Variants in HS6ST3 observed in about 807,000 individuals in gnomAD.
HS6ST3 encodes the protein heparan-sulfate 6-O-sulfotransferase 3.
Under a neutral mutation model 36.7 loss-of-function variants are expected in HS6ST3, and 12 were observed. That is an observed-to-expected ratio of 0.33 (90% CI 0.21 to 0.53). HS6ST3 has a LOEUF of 0.53. Among genes scored for constraint, HS6ST3 ranks in the 20% least tolerant of loss-of-function variants. HS6ST3 has a pLI of 0.95. For missense variants in HS6ST3, 584 were observed against 640.9 expected (o/e 0.91, Z 0.96); for synonymous variants, 240 against 257.5 (o/e 0.93, Z 0.65).
At chr13:96,771,144 A>G (rs1463588962) in intron 1 of HS6ST3, among the ~76,000 whole-genome samples, 2 of 151,972 alleles carry the variant, frequency 1.3e-5, no homozygotes, top group African/African-American at 4.8e-5. Flanking sequence ...GTCAACTGGT[A>G]TTTCTAGTTA....
At chr13:96,433,340 T>C (rs1228289986) in intron 1 of HS6ST3, among the ~76,000 whole-genome samples, 1 of 152,152 alleles carries the variant, frequency 6.6e-6, no homozygotes, top group Non-Finnish European at 1.5e-5. Context: ...GGAATTGATA[T>C]GGTTTGGCTG....
chr13:96,658,375 G>A (rs1177328239), intron 1 of HS6ST3, among the ~76,000 whole-genome samples: 1 of 145,252 alleles, frequency 6.9e-6, no homozygotes, highest in Admixed American at 7.3e-5. Flanking sequence ...CTGCCTCCTG[G>A]GTTTAAGTGA....
intron 1 of HS6ST3, among the ~76,000 whole-genome samples, chr13:96,220,378 G>T (rs1451623273): frequency 6.6e-6 from 1 of 152,118 alleles, no homozygotes; most frequent in Non-Finnish European, 1.5e-5. Context: ...TGTCTTCTTG[G>T]CTTTTGGGTT....
rs528590509 is a variant in HS6ST3, at chr13:96,208,671, A to T, written c.707+117102A>T. Among the ~76,000 whole-genome samples, 34 of 152,348 alleles carry T rather than the reference A, an allele frequency of 2.2e-4. No individual in the cohort carries two copies. In the South Asian group the frequency reaches 6.4e-3, roughly 29 times the overall value. ...TTGGGAAGAACCACTGTATAAAGAT[A>T]ATATGCAATTTTTATTTGATGGTTT... On this transcript the variant is annotated intron_variant, in intron 1 of 1. Transcript: ENST00000376705.
intron 1 of HS6ST3, among the ~76,000 whole-genome samples, chr13:96,554,750 A>G (rs1165142062): frequency 6.6e-6 from 1 of 151,946 alleles, no homozygotes; most frequent in Non-Finnish European, 1.5e-5. Flanking sequence ...AGACAATTTG[A>G]GACTTACTGT....
At chr13:96,329,754 G>A (rs1351250209) in intron 1 of HS6ST3, among the ~76,000 whole-genome samples, 9 of 119,316 alleles carry the variant, frequency 7.5e-5, no homozygotes, top group East Asian at 2.6e-4. Flanking sequence ...TTTCTGTCTC[G>A]TTGATCTGTC....
At chr13:96,427,681 A>T (rs2055594012) in intron 1 of HS6ST3, among the ~76,000 whole-genome samples, 1 of 152,184 alleles carries the variant, frequency 6.6e-6, no homozygotes, top group African/African-American at 2.4e-5. Flanking sequence ...TAGGACCTTT[A>T]TTAGAACTGA....
chr13:96,257,295 C>T (rs2054641905), intron 1 of HS6ST3, among the ~76,000 whole-genome samples: 1 of 152,116 alleles, frequency 6.6e-6, no homozygotes, highest in Admixed American at 6.5e-5. Context: ...AAGTTTAATT[C>T]CAGTCAAGTA....
At chr13:96,288,623 A>G (rs560158184) in intron 1 of HS6ST3, among the ~76,000 whole-genome samples, 1 of 152,272 alleles carries the variant, frequency 6.6e-6, no homozygotes, top group East Asian at 1.9e-4. Flanking sequence ...AAATGGAAAT[A>G]AAAGGAAAAT....
At chr13:96,775,414 C>G (rs967646816) in intron 1 of HS6ST3, among the ~76,000 whole-genome samples, 1 of 151,282 alleles carries the variant, frequency 6.6e-6, no homozygotes, top group Non-Finnish European at 1.5e-5. Flanking sequence ...CAAGATCCAT[C>G]GGTGTCTGTA....
At chr13:96,119,270 A>G (rs933997981) in intron 1 of HS6ST3, among the ~76,000 whole-genome samples, 2 of 152,160 alleles carry the variant, frequency 1.3e-5, no homozygotes, top group Non-Finnish European at 2.9e-5. Flanking sequence ...AATTAATTTA[A>G]TGCAGAGTAT....
At chr13:96,673,570 A>G (rs1176863918) in intron 1 of HS6ST3, among the ~76,000 whole-genome samples, 1 of 151,994 alleles carries the variant, frequency 6.6e-6, no homozygotes, top group Non-Finnish European at 1.5e-5. Flanking sequence ...TTTTGAACTT[A>G]ATTCTCCTAT....
intron 1 of HS6ST3, among the ~76,000 whole-genome samples, chr13:96,796,930 G>C (rs2138524278): frequency 6.6e-6 from 1 of 152,118 alleles, no homozygotes; most frequent in Non-Finnish European, 1.5e-5. Flanking sequence ...GCATATGAGG[G>C]GGTGTCCTTA....
intron 1 of HS6ST3, among the ~76,000 whole-genome samples, chr13:96,637,247 A>T (rs2056553231): frequency 1.3e-5 from 2 of 152,256 alleles, no homozygotes; most frequent in Admixed American, 6.5e-5. Context: ...CCAGATTGGT[A>T]TGATAAACAA....
intron 1 of HS6ST3, among the ~76,000 whole-genome samples, chr13:96,274,649 G>C (rs2054738628): frequency 6.6e-6 from 1 of 152,060 alleles, no homozygotes; most frequent in African/African-American, 2.4e-5. Context: ...ATGATGAGTT[G>C]TGGGGACAAG....
At chr13:96,150,580 ACC>A (rs1594695254) in intron 1 of HS6ST3, among the ~76,000 whole-genome samples, 343 of 146,168 alleles carry the variant, frequency 2.3e-3, no homozygotes, top group South Asian at 3.7e-3. Flanking sequence ...TCTACATTTT[ACC>A]ACAAATCTTG....
intron 1 of HS6ST3, among the ~76,000 whole-genome samples, chr13:96,222,594 T>G (rs1375075559): frequency 6.6e-6 from 1 of 152,268 alleles, no homozygotes; most frequent in Non-Finnish European, 1.5e-5. Flanking sequence ...ACCTTGTTGC[T>G]GGATGATTTC....
At chr13:96,355,421 A>ACACATG (rs56191306) in intron 1 of HS6ST3, among the ~76,000 whole-genome samples, 1 of 149,210 alleles carries the variant, frequency 6.7e-6, no homozygotes, top group African/African-American at 2.5e-5. Flanking sequence ...AAACACACAC[A>ACACATG]CACAGAGGCA....
chr13:96,186,530 G>T (rs1294061883), intron 1 of HS6ST3, among the ~76,000 whole-genome samples: 2 of 152,226 alleles, frequency 1.3e-5, no homozygotes, highest in African/African-American at 4.8e-5. Flanking sequence ...TCAAAGTAAT[G>T]TGTGGATGCC....
Sources: gnomAD v4.1 joint callset for allele counts (sites outside exome capture counted in the v4.1 genomes callset) on GRCh38, gnomAD v4.1.1 for gene constraint, MANE v1.5 for transcripts, NCBI Gene and HGNC (gene_info 2026-07-23, HGNC 2026-07-21) for gene names.